Variants in SRBD1 observed in about 807,000 individuals in gnomAD.
SRBD1 encodes the protein S1 RNA binding domain 1.
SRBD1 carries 88 observed loss-of-function variants against 115.3 expected under a neutral mutation model. The ratio of observed to expected loss-of-function variants is 0.76; its 90% CI spans 0.64 to 0.91. The LOEUF (loss-of-function observed/expected upper bound fraction) is 0.91, where lower values mean the gene tolerates loss of function less well. SRBD1 is among the 40% of genes least tolerant of loss of function. SRBD1 has a pLI of 0.00. For missense variants in SRBD1, 1,385 were observed against 1,177.4 expected (o/e 1.18, Z -2.58); for synonymous variants, 509 against 407.7 (o/e 1.25, Z -2.99).
chr2:45,601,126 C>A (rs1172361162), intron 3 of SRBD1, among the ~76,000 whole-genome samples: 1 of 152,220 alleles, frequency 6.6e-6, no homozygotes, highest in Admixed American at 6.5e-5. Context: ...TTGTCAGCCA[C>A]TGTCTTAGCT....
chr2:45,485,013 G>C (rs1670075068), intron 15 of SRBD1, among the ~76,000 whole-genome samples: 1 of 152,036 alleles, frequency 6.6e-6, no homozygotes, highest in African/African-American at 2.4e-5. Context: ...CCAACTTTTA[G>C]CTATTATAAA....
intron 4 of SRBD1, among the ~76,000 whole-genome samples, chr2:45,592,730 G>C (rs1673763716): frequency 6.6e-6 from 1 of 152,170 alleles, no homozygotes; most frequent in Admixed American, 6.5e-5. Flanking sequence ...CACCTGTTGA[G>C]TCAACCCCCT....
intron 14 of SRBD1, among the ~76,000 whole-genome samples, chr2:45,515,355 T>C (rs901430874): frequency 6.6e-6 from 1 of 152,186 alleles, no homozygotes; most frequent in Admixed American, 6.6e-5. Context: ...AACTAGTAGG[T>C]GGCAGAGCTG....
chr2:45,606,912 G>A (rs750098746), intron 1 of SRBD1, among the ~76,000 whole-genome samples: 6 of 152,104 alleles, frequency 3.9e-5, no homozygotes, highest in Admixed American at 1.3e-4. Flanking sequence ...TCTAACATCC[G>A]CTTAGAAGAG....
intron 19 of SRBD1, among the ~76,000 whole-genome samples, chr2:45,398,173 T>A (rs577827982): frequency 6.6e-6 from 1 of 152,110 alleles, no homozygotes; most frequent in Non-Finnish European, 1.5e-5. Context: ...TTACAGTAAA[T>A]TAACATACTA....
In SRBD1 at chr2:45,495,993, T is replaced by C. The variant is rs186576241; in HGVS notation, c.1875-7662A>G. 1.4e-3 allele frequency among the ~76,000 whole-genome samples: 215 copies of C among 152,348 alleles called. 6 individuals carry two copies. Among genetic ancestry groups the C allele is most frequent in the Admixed American group, 0.014 (209 of 15,308 alleles). On this transcript the variant is annotated intron_variant, in intron 14 of 20. Transcript: ENST00000263736. ...ACTTAACTCCAAAATTATTTATGTC[T>C]TTTGTACTCAAATTTGTATTTACTC...
intron 16 of SRBD1, among the ~76,000 whole-genome samples, chr2:45,458,296 G>C (rs1669215181): frequency 6.6e-6 from 1 of 151,936 alleles, no homozygotes; most frequent in South Asian, 2.1e-4. Context: ...TATTTTGAAG[G>C]GTAAAACTAA....
At position 45,553,691 on chromosome 2, in the gene SRBD1, C is replaced by T. The variant is rs776699032; in HGVS notation, c.1449G>A (p.Lys483=). The change falls in exon 11 of 21, where the codon AAG becomes AAA. Residue 483 remains lysine, a synonymous_variant. Transcript: ENST00000263736. ...PRSFARPELM[K]ILYNSLNDSF... ...AATCATTCAGTGAATTATATAAGAT[C>T]TTCATTAACTCTGGCCTTGCAAAGC... The T allele has an allele frequency of 6.2e-7, 1 of 1,607,780 alleles. No individual in the cohort carries two copies. The highest frequency in any genetic ancestry group is 1.3e-5 in the African/African-American group (1 of 74,794).
At chr2:45,407,673 A>G (rs1336040288) in intron 19 of SRBD1, among the ~76,000 whole-genome samples, 2 of 152,160 alleles carry the variant, frequency 1.3e-5, no homozygotes, top group Non-Finnish European at 2.9e-5. Flanking sequence ...GGAACACTGA[A>G]CTCATCTTAG....
intron 18 of SRBD1, among the ~76,000 whole-genome samples, chr2:45,414,335 G>C (rs1240259275): frequency 6.6e-6 from 1 of 152,000 alleles, no homozygotes; most frequent in African/African-American, 2.4e-5. Flanking sequence ...TGAACTACAA[G>C]AAACAGTGCA....
chr2:45,464,295 A>C (rs952175128), intron 16 of SRBD1, among the ~76,000 whole-genome samples: 3 of 152,190 alleles, frequency 2.0e-5, no homozygotes, highest in African/African-American at 7.2e-5. Context: ...GAACTCCCAC[A>C]GAAAGATCCA....
At chr2:45,491,128 C>T in intron 14 of SRBD1, among the ~76,000 whole-genome samples, 1 of 152,090 alleles carries the variant, frequency 6.6e-6, no homozygotes, top group Non-Finnish European at 1.5e-5. Flanking sequence ...TAATACCCTC[C>T]CTTTTTCATT....
At chr2:45,475,618 T>C (rs983913416) in intron 16 of SRBD1, among the ~76,000 whole-genome samples, 1 of 152,332 alleles carries the variant, frequency 6.6e-6, no homozygotes, top group Admixed American at 6.5e-5. Flanking sequence ...TTCCACTATC[T>C]TGCCAAGATG....
chr2:45,392,514 A>T (rs562139762), intron 20 of SRBD1, among the ~76,000 whole-genome samples: 5 of 152,342 alleles, frequency 3.3e-5, no homozygotes, highest in Non-Finnish European at 5.9e-5. Flanking sequence ...TTATTTGTTC[A>T]ATGGGTTCAT....
intron 10 of SRBD1, among the ~76,000 whole-genome samples, chr2:45,561,920 T>C (rs1243003455): frequency 1.3e-5 from 2 of 152,140 alleles, no homozygotes; most frequent in Non-Finnish European, 2.9e-5. Flanking sequence ...TATTGTAATA[T>C]CCAATAAGTT....
intron 15 of SRBD1, among the ~76,000 whole-genome samples, chr2:45,479,022 T>C (rs1427740191): frequency 1.3e-5 from 2 of 152,216 alleles, no homozygotes; most frequent in African/African-American, 4.8e-5. Context: ...ATATTTGTTA[T>C]GATAATCTGT....
At chr2:45,398,157 G>GT (rs557142918) in intron 19 of SRBD1, among the ~76,000 whole-genome samples, 12 of 152,022 alleles carry the variant, frequency 7.9e-5, no homozygotes, top group South Asian at 2.1e-4. Flanking sequence ...AGCTGAGACC[G>GT]TTTTTTTACA....
At chr2:45,536,771 G>A (rs1671776550) in intron 14 of SRBD1, among the ~76,000 whole-genome samples, 1 of 152,044 alleles carries the variant, frequency 6.6e-6, no homozygotes, top group Non-Finnish European at 1.5e-5. Flanking sequence ...AGGATCTTTT[G>A]CAATTGTATA....
intron 14 of SRBD1, among the ~76,000 whole-genome samples, chr2:45,525,752 C>A (rs1296828266): frequency 6.6e-6 from 1 of 151,918 alleles, no homozygotes; most frequent in Non-Finnish European, 1.5e-5. Flanking sequence ...AGAATTAAAA[C>A]CACCAATTAA....
Sources: allele counts gnomAD v4.1 joint callset (sites outside exome capture counted in the v4.1 genomes callset), GRCh38; gene constraint gnomAD v4.1.1; transcripts MANE v1.5; gene names NCBI Gene and HGNC (gene_info 2026-07-23, HGNC 2026-07-21).